GLG1: variants seen among roughly 807,000 people sequenced by gnomAD.
GLG1 encodes Golgi apparatus protein 1.
A neutral mutation model predicts 160.5 loss-of-function variants in GLG1; 38 were observed. The ratio of observed to expected loss-of-function variants is 0.24; its 90% CI spans 0.18 to 0.31. The LOEUF is 0.31. Ranked by LOEUF, GLG1 falls within the 10% of genes least tolerant of loss-of-function variation. The probability of loss-of-function intolerance (pLI) is 1.00; values close to 1 mark genes in which losing one functional copy is unlikely to be tolerated. For synonymous variants in GLG1, 644 were observed against 543.4 expected, an observed-to-expected ratio of 1.19 and a Z score of -2.57; for missense variants, 1,373 against 1,505.2, an observed-to-expected ratio of 0.91 and a Z score of 1.45.
chr16:74,484,087 CCT>C (rs1453424862), intron 9 of GLG1, among the ~76,000 whole-genome samples: 2 of 152,056 alleles, frequency 1.3e-5, no homozygotes, highest in Non-Finnish European at 2.9e-5. Flanking sequence ...TCCCCTGCCC[CCT>C]CTTTGCTTGA....
At chr16:74,600,750 A>AC (rs1567551062) in intron 1 of GLG1, among the ~76,000 whole-genome samples, 3 of 141,718 alleles carry the variant, frequency 2.1e-5, no homozygotes, top group Non-Finnish European at 3.0e-5. Context: ...AAAAAAAAAA[A>AC]AAAACAAAAA....
intron 1 of GLG1, among the ~76,000 whole-genome samples, chr16:74,586,062 C>T (rs539270996): frequency 3.2e-5 from 4 of 125,680 alleles, no homozygotes; most frequent in South Asian, 2.4e-4. Flanking sequence ...GACTCTGTAT[C>T]GGAAAAAAAA....
At chr16:74,540,446 C>A (rs2017830348) in intron 1 of GLG1, among the ~76,000 whole-genome samples, 1 of 151,792 alleles carries the variant, frequency 6.6e-6, no homozygotes, top group Non-Finnish European at 1.5e-5. Flanking sequence ...AGGAGATAGG[C>A]CATCCCTTTA....
chr16:74,524,481 A>G (rs556973605), intron 2 of GLG1, among the ~76,000 whole-genome samples: 3 of 152,020 alleles, frequency 2.0e-5, no homozygotes, highest in East Asian at 3.9e-4. Flanking sequence ...CTAATTTGAT[A>G]TTTGATGATG....
intron 8 of GLG1, among the ~76,000 whole-genome samples, chr16:74,486,224 G>C (rs2015781206): frequency 6.6e-6 from 1 of 152,166 alleles, no homozygotes; most frequent in Admixed American, 6.5e-5. Flanking sequence ...CTGCCTACTT[G>C]TTAATCAGAT....
intron 23 of GLG1, 39 bp from the exon 24 acceptor site, chr16:74,458,033 G>C: frequency 6.2e-7 from 1 of 1,604,190 alleles, no homozygotes; most frequent in Non-Finnish European, 8.5e-7. Context: ...GCTTTTGAAG[G>C]GGAAATGCAT....
chr16:74,500,647 G>A (rs907210728), intron 4 of GLG1, among the ~76,000 whole-genome samples: 1 of 151,750 alleles, frequency 6.6e-6, no homozygotes, highest in Non-Finnish European at 1.5e-5. Flanking sequence ...AAATTAACTG[G>A]TTAAAAGCAG....
intron 2 of GLG1, among the ~76,000 whole-genome samples, chr16:74,525,122 T>C (rs1354217666): frequency 6.6e-6 from 1 of 152,192 alleles, no homozygotes; most frequent in Non-Finnish European, 1.5e-5. Context: ...TATGTACACA[T>C]TTTTGTGTGA....
intron 6 of GLG1, among the ~76,000 whole-genome samples, chr16:74,493,712 T>C (rs1194338017): frequency 6.6e-6 from 1 of 152,200 alleles, no homozygotes; most frequent in Non-Finnish European, 1.5e-5. Flanking sequence ...CTTGCATTCA[T>C]TCAGGGACAA....
chr16:74,495,084 A>G (rs1252874277), intron 5 of GLG1, among the ~76,000 whole-genome samples: 1 of 151,436 alleles, frequency 6.6e-6, no homozygotes, highest in African/African-American at 2.4e-5. Flanking sequence ...TAGGGAACCA[A>G]GAGAAGTGTT....
intron 21 of GLG1, 40 bp from the exon 22 acceptor site, chr16:74,462,235 A>G: frequency 9.4e-7 from 1 of 1,067,554 alleles, no homozygotes; most frequent in Admixed American, 2.1e-5. Flanking sequence ...CTGATCAGAA[A>G]ACGAAGCTTT....
At chr16:74,498,468 T>TATATAGATATATATATATATATATA (rs1491206560) in intron 4 of GLG1, among the ~76,000 whole-genome samples, 1 of 29,668 alleles carries the variant, frequency 3.4e-5, no homozygotes, top group Admixed American at 5.4e-4. Flanking sequence ...ATATATATAT[T>TATATAGATATATATATATATATATA]ATATTTTATA....
At chr16:74,541,547 A>C (rs1315239726) in intron 1 of GLG1, among the ~76,000 whole-genome samples, 1 of 152,192 alleles carries the variant, frequency 6.6e-6, no homozygotes, top group Non-Finnish European at 1.5e-5. Context: ...TGTAGATAAA[A>C]GAGGTAAATC....
At chr16:74,476,145 GCACTCCA>G in intron 12 of GLG1, among the ~76,000 whole-genome samples, 1 of 151,838 alleles carries the variant, frequency 6.6e-6, no homozygotes, top group South Asian at 2.1e-4. Flanking sequence ...TCGTGCCACT[GCACTCCA>G]GCATGGGTGA....
chr16:74,503,658 C>T lies in GLG1; in HGVS notation c.647G>A (p.Cys216Tyr). ...DHRGNITEYQ[C>Y]HQYITKMTAI... ...CGTCATCTTGGTAATGTACTGGTGACACTGATACTCAGTGATGTTGCCTCG... is the reference window on the plus strand; with the variant it reads ...CGTCATCTTGGTAATGTACTGGTGATACTGATACTCAGTGATGTTGCCTCG... Residue 216 changes from cysteine (C) to tyrosine (Y), a missense_variant, in exon 4 of 26, where the codon TGT becomes TAT. Physicochemically the swap from Cys to Tyr is radical, Grantham distance 194. Coordinates refer to ENST00000422840, the MANE Select transcript of GLG1 (RefSeq NM_001145667.2). 6.2e-7 allele frequency: 1 copy of T among 1,612,440 alleles called. No homozygotes were observed. Among genetic ancestry groups the T allele is most frequent in the Non-Finnish European group, 8.5e-7 (1 of 1,178,436 alleles).
At chr16:74,506,581 CAAAAAAAAAA>C (rs56175030) in intron 3 of GLG1, among the ~76,000 whole-genome samples, 7 of 39,048 alleles carry the variant, frequency 1.8e-4, no homozygotes, top group East Asian at 1.0e-3. Context: ...GACTCCGTCT[CAAAAAAAAAA>C]AAAAAAAAAA....
chr16:74,524,792 G>C (rs1332176786), intron 2 of GLG1, among the ~76,000 whole-genome samples: 1 of 152,052 alleles, frequency 6.6e-6, no homozygotes, highest in Non-Finnish European at 1.5e-5. Flanking sequence ...AGAGGTTATG[G>C]TTGTACAATC....
At position 74,491,012 on chromosome 16, in the gene GLG1, AGTTCATTCCAAG is replaced by A. The variant is rs1459100004; in HGVS notation, c.1426_1437del (p.Leu476_Asn479del). On this transcript the variant is annotated inframe_deletion, in exon 8 of 26. Coordinates refer to ENST00000422840, the MANE Select transcript of GLG1 (RefSeq NM_001145667.2). The stretch of plus-strand genomic sequence containing the variant: ...CAATGTCTCCTTACCGCCTGCTGGC[AGTTCATTCCAAG>A]GTTCCCCTTCTCCCCTCGAACTACT... 5.0e-6 allele frequency: 8 copies of A among 1,612,762 alleles called. No individual in the cohort carries two copies. The highest frequency in any genetic ancestry group is 6.8e-6 in the Non-Finnish European group (8 of 1,178,738).
chr16:74,489,962 G>A (rs1164612433), intron 8 of GLG1, among the ~76,000 whole-genome samples: 1 of 152,182 alleles, frequency 6.6e-6, no homozygotes, highest in Non-Finnish European at 1.5e-5. Flanking sequence ...TAAAATTCGA[G>A]TTGATATCCA....
Sources: gnomAD v4.1 joint callset for allele counts (sites outside exome capture counted in the v4.1 genomes callset) on GRCh38, gnomAD v4.1.1 for gene constraint, MANE v1.5 for transcripts, NCBI Gene and HGNC (gene_info 2026-07-23, HGNC 2026-07-21) for gene names.